The following KIDINS220 variants were observed in gnomAD, a reference collection of about 807,000 sequenced individuals.
KIDINS220 encodes kinase D-interacting substrate of 220 kDa.
In KIDINS220, 63 loss-of-function variants were observed where a neutral mutation model predicts 157.6. That is an observed-to-expected ratio of 0.40 (90% CI 0.33 to 0.49). The LOEUF (loss-of-function observed/expected upper bound fraction) is 0.49, where lower values mean the gene tolerates loss of function less well. KIDINS220 is among the 20% of genes least tolerant of loss of function. KIDINS220 has a pLI of 0.66. For missense variants in KIDINS220, 1,772 were observed against 2,171.2 expected (o/e 0.82, Z 3.65); for synonymous variants, 732 against 783.6 (o/e 0.93, Z 1.10).
chr2:8,730,315 C>T lies in KIDINS220; in HGVS notation c.*405G>A, dbSNP rs1477384500. On this transcript the variant is annotated 3_prime_UTR_variant, in exon 30 of 30. Coordinates refer to ENST00000256707, the MANE Select transcript of KIDINS220 (RefSeq NM_020738.4). ...CAGGGTTTGCTTCTGCTTCACCTAACGCCACGTCTTCCCTCAAATGTGTGG... is the reference window on the plus strand; with the variant it reads ...CAGGGTTTGCTTCTGCTTCACCTAATGCCACGTCTTCCCTCAAATGTGTGG... 114 of 1,004,586 alleles carry T rather than the reference C, an allele frequency of 1.1e-4. No individual in the cohort carries two copies. Among genetic ancestry groups the T allele is most frequent in the Non-Finnish European group, 1.3e-4 (106 of 842,530 alleles). 62.2% of individuals were successfully genotyped at this position (1,004,586 alleles called of 1,614,324 possible). A position where few individuals can be genotyped will look rare whatever the true frequency, so the allele number is the denominator to read the frequency against.
In KIDINS220 at chr2:8,757,687, G is replaced by C. The variant is rs749181259; in HGVS notation, c.3012-6043C>G. 1.9e-6 allele frequency: 3 copies of C among 1,612,420 alleles called. No homozygotes were observed. In the South Asian group the frequency reaches 3.3e-5, roughly 18 times the overall value. On this transcript the variant is annotated intron_variant, in intron 22 of 29. Transcript: ENST00000256707. The stretch of plus-strand genomic sequence containing the variant: ...TTCCATGTCCTGCTTATTTGCAAAT[G>C]CCATTAAAATGGCTTTTCTCAGCTC...
chr2:8,764,358 C>T (rs1044983092), intron 22 of KIDINS220, among the ~76,000 whole-genome samples: 1 of 151,972 alleles, frequency 6.6e-6, no homozygotes, highest in African/African-American at 2.4e-5. Context: ...TTCATCCATG[C>T]AACAAAAAAC....
chr2:8,763,590 C>T (rs1407450486), intron 22 of KIDINS220, among the ~76,000 whole-genome samples: 1 of 152,168 alleles, frequency 6.6e-6, no homozygotes, highest in Non-Finnish European at 1.5e-5. Flanking sequence ...AGACTGTGCC[C>T]TGCATATAAT....
downstream of KIDINS220, among the ~76,000 whole-genome samples, chr2:8,728,493 T>C (rs780962796): frequency 2.2e-4 from 34 of 152,164 alleles, no homozygotes; most frequent in Non-Finnish European, 3.7e-4. Flanking sequence ...TATAAACAGA[T>C]ACACACACAC....
intron 24 of KIDINS220, among the ~76,000 whole-genome samples, chr2:8,748,445 C>A (rs1382702653): frequency 2.6e-5 from 4 of 152,144 alleles, no homozygotes; most frequent in Admixed American, 2.6e-4. Context: ...TGAAAACACC[C>A]TGGCACAAAT....
intron 22 of KIDINS220, among the ~76,000 whole-genome samples, chr2:8,769,454 C>T (rs1669895410): frequency 6.6e-6 from 1 of 152,142 alleles, no homozygotes; most frequent in African/African-American, 2.4e-5. Context: ...TTTTTTATGA[C>T]ACATTTTTAT....
chr2:8,824,021 CAAAT>C (rs1394498326), intron 2 of KIDINS220, among the ~76,000 whole-genome samples: 2 of 150,462 alleles, frequency 1.3e-5, no homozygotes, highest in African/African-American at 4.9e-5. Context: ...TGTTTAAAGT[CAAAT>C]AGAGCAAAGT....
At chr2:8,828,262 T>G (rs535272830) in intron 1 of KIDINS220, among the ~76,000 whole-genome samples, 7 of 152,260 alleles carry the variant, frequency 4.6e-5, no homozygotes, top group African/African-American at 1.7e-4. Flanking sequence ...CCACAGGACA[T>G]GCACACGGCT....
intron 17 of KIDINS220, among the ~76,000 whole-genome samples, chr2:8,785,223 G>A (rs1410681768): frequency 6.6e-6 from 1 of 152,178 alleles, no homozygotes; most frequent in African/African-American, 2.4e-5. Flanking sequence ...ATAGTAAAAA[G>A]AAATGGTAGC....
At chr2:8,791,534 G>C (rs1182200365) in intron 12 of KIDINS220, among the ~76,000 whole-genome samples, 1 of 152,042 alleles carries the variant, frequency 6.6e-6, no homozygotes, top group Non-Finnish European at 1.5e-5. Context: ...AACTAAGAAA[G>C]AACAAAATGT....
chr2:8,763,343 C>G (rs1038040931), intron 22 of KIDINS220, among the ~76,000 whole-genome samples: 1 of 152,122 alleles, frequency 6.6e-6, no homozygotes, highest in Admixed American at 6.5e-5. Flanking sequence ...TTGGGAGTTT[C>G]GGCAGTACCA....
chr2:8,738,485 T>C (rs1665193862), intron 26 of KIDINS220, among the ~76,000 whole-genome samples: 1 of 152,200 alleles, frequency 6.6e-6, no homozygotes, highest in Non-Finnish European at 1.5e-5. Flanking sequence ...AAGGTTAGCA[T>C]TAGTGGTGGG....
intron 21 of KIDINS220, among the ~76,000 whole-genome samples, chr2:8,771,488 G>C (rs1670226455): frequency 6.6e-6 from 1 of 152,178 alleles, no homozygotes. Flanking sequence ...CAAACTTTCA[G>C]AACGGATGCC....
intron 6 of KIDINS220, among the ~76,000 whole-genome samples, chr2:8,808,940 T>C (rs7587928): frequency 0.29 from 44,107 of 152,100 alleles, 6,564 homozygotes; most frequent in Middle Eastern, 0.35. Flanking sequence ...GCTATAAACA[T>C]TACAAAACCA....
Position 8,823,043 on chromosome 2 carries a change from A to T in KIDINS220, c.108+3943T>A, listed in dbSNP as rs1678228545. On this transcript the variant is annotated intron_variant, in intron 2 of 29. Coordinates refer to ENST00000256707, the MANE Select transcript of KIDINS220 (RefSeq NM_020738.4). ...CAGGCTGAAGTGTAGTGGTGCAGTCATAGCTCACTGCAGCCTTGAACTCCT... is the reference window on the plus strand; with the variant it reads ...CAGGCTGAAGTGTAGTGGTGCAGTCTTAGCTCACTGCAGCCTTGAACTCCT... Among the ~76,000 whole-genome samples, 3 of 152,112 alleles carry T rather than the reference A, an allele frequency of 2.0e-5. No homozygotes were observed. In the South Asian group the frequency reaches 6.2e-4, roughly 31 times the overall value.
At chr2:8,764,669 T>A (rs1354851570) in intron 22 of KIDINS220, among the ~76,000 whole-genome samples, 1 of 152,236 alleles carries the variant, frequency 6.6e-6, no homozygotes, top group African/African-American at 2.4e-5. Context: ...ATTTTACCCA[T>A]ATTTAAGCCT....
chr2:8,807,471 C>A (rs369826816), intron 6 of KIDINS220, among the ~76,000 whole-genome samples: 4 of 152,186 alleles, frequency 2.6e-5, no homozygotes, highest in African/African-American at 9.7e-5. Context: ...AGTCACTAGT[C>A]AAATAATGAC....
chr2:8,747,180 C>T lies in KIDINS220; in HGVS notation c.3550G>A (p.Ala1184Thr). The change falls in exon 26 of 30, where the codon GCT becomes ACT. Residue 1184 changes from alanine to threonine, a missense_variant. By Grantham distance (58) the Ala-to-Thr change is moderately conservative. This residue lies in a region of KIDINS220 where 793 missense variants were observed against 885.5 expected (regional missense o/e 0.90). Transcript: ENST00000256707. ...TCTGTGGGTGAAGAAAGCCCCTCAG[C>T]AGCATCCTCCTTGATAACTTCCTAA... ...NGLEVIKEDA[A>T]EGLSSPTDSS... 6.2e-7 allele frequency: 1 copy of T among 1,614,136 alleles called. No individual in the cohort carries two copies.
intron 1 of KIDINS220, among the ~76,000 whole-genome samples, chr2:8,836,024 T>TGAGG (rs1680336306): frequency 6.6e-6 from 1 of 152,102 alleles, no homozygotes; most frequent in East Asian, 1.9e-4. Context: ...AGAGAAGAAA[T>TGAGG]GAGGGATATT....
Sources: allele counts gnomAD v4.1 joint callset (sites outside exome capture counted in the v4.1 genomes callset), GRCh38; gene constraint gnomAD v4.1.1; regional missense constraint gnomAD v4.1.1; transcripts MANE v1.5; gene names NCBI Gene and HGNC (gene_info 2026-07-23, HGNC 2026-07-21).